The following FAM219A variants were observed in gnomAD, a reference collection of about 807,000 sequenced individuals.
FAM219A encodes protein FAM219A.
A neutral mutation model predicts 23.4 loss-of-function variants in FAM219A; 7 were observed. The ratio of observed to expected loss-of-function variants is 0.30; its 90% CI spans 0.17 to 0.56. The LOEUF (loss-of-function observed/expected upper bound fraction) is 0.56, where lower values mean the gene tolerates loss of function less well. Ranked by LOEUF, FAM219A falls within the 20% of genes least tolerant of loss-of-function variation. The pLI, the probability that FAM219A is intolerant of heterozygous loss-of-function variation, is 0.92. For synonymous variants in FAM219A, 93 were observed against 99.0 expected (o/e 0.94, Z 0.36); for missense variants, 166 against 246.9 (o/e 0.67, Z 2.20).
intron 1 of FAM219A, among the ~76,000 whole-genome samples, chr9:34,416,927 A>G (rs1430051185): frequency 6.6e-6 from 1 of 151,408 alleles, no homozygotes; most frequent in Non-Finnish European, 1.5e-5. Flanking sequence ...TCCTGGACTC[A>G]AGTGATCCTA....
chr9:34,435,605 A>C (rs1385199873), intron 1 of FAM219A, among the ~76,000 whole-genome samples: 1 of 152,208 alleles, frequency 6.6e-6, no homozygotes, highest in African/African-American at 2.4e-5. Flanking sequence ...ACATGGAATC[A>C]GATGATCCAT....
intron 1 of FAM219A, among the ~76,000 whole-genome samples, chr9:34,426,195 C>T (rs1822462385): frequency 6.6e-6 from 1 of 152,128 alleles, no homozygotes; most frequent in South Asian, 2.1e-4. Flanking sequence ...TATATAATGA[C>T]TTTCACTCTT....
At position 34,407,638 on chromosome 9, in the gene FAM219A, T is replaced by C. The variant is rs571677665; in HGVS notation, c.61-1674A>G. Among the ~76,000 whole-genome samples, 3 of 152,334 alleles carry C rather than the reference T, an allele frequency of 2.0e-5. No individual in the cohort carries two copies. The East Asian group carries it at 5.8e-4, about 29-fold the overall frequency. On this transcript the variant is annotated intron_variant, in intron 1 of 5. Transcript: ENST00000651358. The stretch of plus-strand genomic sequence containing the variant: ...GTTAAAGACAGGCCCTCTGGGAGGC[T>C]GCTCCATTCTTGCAGGCCCAAGCAT...
At position 34,400,943 on chromosome 9, in the gene FAM219A, C is replaced by T. The variant is rs752635356; in HGVS notation, c.*21G>A. ...CCGGCCCTTGGCGGCCCCGCCCCGG[C>T]GACCGCAGTGGCCCCGCCCGCTACT... On this transcript the variant is annotated 3_prime_UTR_variant, in exon 6 of 6. Coordinates refer to ENST00000651358, the MANE Select transcript of FAM219A (RefSeq NM_001184940.2). The T allele has an allele frequency of 2.5e-5, 38 of 1,510,976 alleles. No individual in the cohort carries two copies. The East Asian group carries it at 6.6e-4, about 26-fold the overall frequency. 93.6% of individuals were successfully genotyped at this position (1,510,976 alleles called of 1,614,324 possible).
chr9:34,427,331 C>G (rs952364321), intron 1 of FAM219A, among the ~76,000 whole-genome samples: 1 of 152,110 alleles, frequency 6.6e-6, no homozygotes, highest in Non-Finnish European at 1.5e-5. Context: ...GCCACCACAC[C>G]TGGCTAATTT....
chr9:34,454,147 A>G (rs1823653034), intron 1 of FAM219A, among the ~76,000 whole-genome samples: 1 of 152,212 alleles, frequency 6.6e-6, no homozygotes, highest in Non-Finnish European at 1.5e-5. Flanking sequence ...CTTTCATAAG[A>G]AGACAGGAGG....
Position 34,458,457 on chromosome 9 carries a change from C to T in FAM219A, c.-194G>A. 2.7e-6 allele frequency: 1 copy of T among 365,616 alleles called. No homozygotes were observed. The highest frequency in any genetic ancestry group is 4.8e-6 in the Non-Finnish European group (1 of 207,054). 22.6% of individuals were successfully genotyped at this position (365,616 alleles called of 1,614,324 possible). On this transcript the variant is annotated 5_prime_UTR_variant, in exon 1 of 6. Coordinates refer to ENST00000651358, the MANE Select transcript of FAM219A (RefSeq NM_001184940.2). The surrounding 1 kb of genome is among the most constrained non-coding windows in gnomAD (Gnocchi z 6.6). Reference sequence around the variant, plus strand: ...CGCAGACTGGCTGAGGCCGGCGTGACTCCGTGGGCTTGCCTAGCACTACCG... The same window carrying T: ...CGCAGACTGGCTGAGGCCGGCGTGATTCCGTGGGCTTGCCTAGCACTACCG...
At chr9:34,401,972 C>CTTTTTTTTTTTTTTTTT (rs34584165) in intron 4 of FAM219A, among the ~76,000 whole-genome samples, 1 of 140,448 alleles carries the variant, frequency 7.1e-6, no homozygotes, top group African/African-American at 2.6e-5. Context: ...CCCTTCTCAT[C>CTTTTTTTTTTTTTTTTT]TTTTTTTTTT....
intron 1 of FAM219A, among the ~76,000 whole-genome samples, chr9:34,420,696 C>G (rs1412858141): frequency 6.6e-6 from 1 of 151,986 alleles, no homozygotes. Context: ...AGAGAAAGAC[C>G]AGGCGTGGTG....
In FAM219A at chr9:34,457,075, A is replaced by C. The variant is rs990666910; in HGVS notation, c.60+1129T>G. 2.6e-5 allele frequency among the ~76,000 whole-genome samples: 4 copies of C among 152,204 alleles called. No individual in the cohort carries two copies. Among genetic ancestry groups the C allele is most frequent in the Non-Finnish European group, 5.9e-5 (4 of 68,030 alleles). On this transcript the variant is annotated intron_variant, in intron 1 of 5. Coordinates refer to ENST00000651358, the MANE Select transcript of FAM219A (RefSeq NM_001184940.2). This position sits in a 1 kb window ranked among gnomAD's most constrained non-coding sequence, Gnocchi z 5.1. ...ACAGAAGCAGAACTTCAGAACTTGG[A>C]GAACTCAGCTCTGCTCCAGCCAGCA...
At position 34,426,819 on chromosome 9, in the gene FAM219A, G is replaced by T. The variant is rs532547444; in HGVS notation, c.61-20855C>A. Among the ~76,000 whole-genome samples the T allele has an allele frequency of 1.3e-3, 204 of 152,262 alleles. 1 individual carries two copies. The highest frequency in any genetic ancestry group is 2.5e-3 in the Non-Finnish European group (170 of 68,026). ...TCTTCCTCCTCCCTCCTCTGAACTG[G>T]GCTGCCAGGTGAGGACCATTCCATT... On this transcript the variant is annotated intron_variant, in intron 1 of 5. Transcript: ENST00000651358.
chr9:34,430,184 A>G (rs1419052344), intron 1 of FAM219A, among the ~76,000 whole-genome samples: 4 of 152,146 alleles, frequency 2.6e-5, no homozygotes, highest in African/African-American at 4.8e-5. Flanking sequence ...GAAAGAGAAG[A>G]GGTCATGCCC....
At chr9:34,451,690 C>CAG (rs1291974712) in intron 1 of FAM219A, among the ~76,000 whole-genome samples, 1 of 152,174 alleles carries the variant, frequency 6.6e-6, no homozygotes, top group African/African-American at 2.4e-5. Flanking sequence ...GGGAATGACT[C>CAG]AGCCTGAACC....
intron 1 of FAM219A, among the ~76,000 whole-genome samples, chr9:34,434,948 T>C (rs1264385149): frequency 6.6e-6 from 1 of 151,978 alleles, no homozygotes; most frequent in Non-Finnish European, 1.5e-5. Flanking sequence ...GCCTCCCAAG[T>C]AGCTGGGACT....
intron 1 of FAM219A, among the ~76,000 whole-genome samples, chr9:34,436,235 A>G (rs929773605): frequency 6.6e-6 from 1 of 151,612 alleles, no homozygotes; most frequent in Non-Finnish European, 1.5e-5. Context: ...TAATTATTAT[A>G]ATTTCTGGGA....
chr9:34,411,096 G>C (rs980351545), intron 1 of FAM219A, among the ~76,000 whole-genome samples: 2 of 152,162 alleles, frequency 1.3e-5, no homozygotes, highest in Admixed American at 6.5e-5. Context: ...ACATAGGTTG[G>C]AGCCTGGCTT....
intron 1 of FAM219A, among the ~76,000 whole-genome samples, chr9:34,439,479 C>T (rs1352898931): frequency 1.3e-5 from 2 of 152,090 alleles, no homozygotes; most frequent in African/African-American, 2.4e-5. Context: ...AAAGGACCCA[C>T]GTTAATAGAC....
chr9:34,408,285 A>G (rs1460074193), intron 1 of FAM219A, among the ~76,000 whole-genome samples: 1 of 151,992 alleles, frequency 6.6e-6, no homozygotes, highest in Admixed American at 6.5e-5. Context: ...GCCTTGGAAA[A>G]GCAAACCTCT....
chr9:34,456,815 T>C (rs1442996419), intron 1 of FAM219A, among the ~76,000 whole-genome samples: 1 of 152,202 alleles, frequency 6.6e-6, no homozygotes, highest in African/African-American at 2.4e-5. Flanking sequence ...CTCTTAGAAC[T>C]GTCTAAGCAG....
Sources: allele counts gnomAD v4.1 joint callset (sites outside exome capture counted in the v4.1 genomes callset), GRCh38; gene constraint gnomAD v4.1.1; non-coding constraint Gnocchi (gnomAD v3.1); transcripts MANE v1.5; gene names NCBI Gene and HGNC (gene_info 2026-07-23, HGNC 2026-07-21).